BRD1: variants seen among roughly 807,000 people sequenced by gnomAD.
BRD1 encodes bromodomain containing 1.
A neutral mutation model predicts 107.7 loss-of-function variants in BRD1; 24 were observed. That is an observed-to-expected ratio of 0.22 (90% CI 0.16 to 0.31). BRD1 has a LOEUF of 0.31. Among genes scored for constraint, BRD1 ranks in the 10% least tolerant of loss-of-function variants. BRD1 has a pLI of 1.00. For missense variants in BRD1, 1,279 were observed against 1,638.6 expected (o/e 0.78, Z 3.79); for synonymous variants, 744 against 686.1 (o/e 1.08, Z -1.32).
Position 49,824,552 on chromosome 22 carries a change from C to G in BRD1, c.-14-221G>C. On this transcript the variant is annotated intron_variant, in intron 1 of 12. Transcript: ENST00000404760. This position sits in a 1 kb window ranked among gnomAD's most constrained non-coding sequence, Gnocchi z 5.9. ...CAGCAGTAACAGGCAGAGAGGCAGC[C>G]TGAGGAGCCCTCCTGAGCACCTGCG... The G allele has an allele frequency of 7.3e-7, 1 of 1,377,024 alleles. No individual in the cohort carries two copies. The highest frequency in any genetic ancestry group is 2.9e-5 in the East Asian group (1 of 34,974). 85.3% of individuals were successfully genotyped at this position (1,377,024 alleles called of 1,614,324 possible). A position where few individuals can be genotyped will look rare whatever the true frequency, so the allele number is the denominator to read the frequency against.
chr22:49,794,611 C>T (rs2147111595), intron 6 of BRD1, among the ~76,000 whole-genome samples: 1 of 152,350 alleles, frequency 6.6e-6, no homozygotes, highest in Admixed American at 6.5e-5. Flanking sequence ...GTGCAGACAG[C>T]CTGGCTGCCT....
chr22:49,791,335 A>G (rs1018262638), intron 7 of BRD1, among the ~76,000 whole-genome samples: 7 of 152,240 alleles, frequency 4.6e-5, no homozygotes, highest in African/African-American at 1.7e-4. Context: ...CTTCCTTCAG[A>G]CACTAAAGTC....
rs2060099685 is a variant in BRD1, at chr22:49,823,038, C to T, written c.1280G>A (p.Arg427Lys). The T allele has an allele frequency of 1.2e-6, 2 of 1,614,106 alleles. No homozygotes were observed. Among genetic ancestry groups the T allele is most frequent in the South Asian group, 2.2e-5 (2 of 91,088 alleles). The change falls in exon 2 of 13, where the codon AGG becomes AAG. Residue 427 changes from arginine (R) to lysine (K), a missense_variant. Physicochemically the swap from Arg to Lys is conservative, Grantham distance 26. This residue lies in a region of BRD1 where 87 missense variants were observed against 77.1 expected (regional missense o/e 1.13). Transcript: ENST00000404760. ...TTTCTTAGCCTTTTTTGCCTTCTTC[C>T]TGACCTTGGATGTGGACCTGACCGT... is the stretch of plus-strand genomic sequence containing the variant. Reference protein sequence around the residue: ...VKTVRSTSKVRKKAKKAKKAL... With the variant: ...VKTVRSTSKVKKKAKKAKKAL...
chr22:49,793,612 T>C (rs753821233), intron 7 of BRD1, among the ~76,000 whole-genome samples: 1 of 152,176 alleles, frequency 6.6e-6, no homozygotes, highest in Non-Finnish European at 1.5e-5. Context: ...AATGCTGCAT[T>C]TGATGGCCTA....
intron 2 of BRD1, among the ~76,000 whole-genome samples, chr22:49,808,251 G>A (rs1001134273): frequency 7.9e-5 from 12 of 152,316 alleles, no homozygotes; most frequent in Non-Finnish European, 1.6e-4. Flanking sequence ...CATTATTCAC[G>A]ATGGCTAAAA....
intron 9 of BRD1, 40 bp from the exon 10 acceptor site, chr22:49,777,201 C>T (rs749152687): frequency 6.2e-7 from 1 of 1,605,020 alleles, no homozygotes; most frequent in Non-Finnish European, 8.5e-7. Flanking sequence ...CGCCCCGCCC[C>T]TGCCTTCAGC....
In BRD1 at chr22:49,787,789, G is replaced by A. The variant is rs781115671; in HGVS notation, c.2458C>T (p.Leu820Phe). Residue 820 changes from leucine to phenylalanine, a missense_variant, in exon 8 of 13, where the codon CTC becomes TTC. Around this residue, in one of 7 missense-constraint regions of BRD1, gnomAD observed 406 missense variants for 519.4 expected, o/e 0.78. Transcript: ENST00000404760. ...AAAAGTTTACTCTGCTCTGGGTTGA[G>A]TTCTACTGGTTTGAGGGTTGGTGGT... ...SEPPTLKPVE[L>F]NPEQSKLFKR... 35 of 1,550,928 alleles carry A rather than the reference G, an allele frequency of 2.3e-5. No homozygotes were observed. In the South Asian group the frequency reaches 3.9e-4, roughly 17 times the overall value.
At chr22:49,799,653 C>T (rs2048303252) in intron 3 of BRD1, among the ~76,000 whole-genome samples, 2 of 152,368 alleles carry the variant, frequency 1.3e-5, no homozygotes, top group South Asian at 4.1e-4. Context: ...CATCCCGACA[C>T]ACGTTTCCCC....
Position 49,824,171 on chromosome 22 carries a change from G to T in BRD1, c.147C>A (p.His49Gln). 1 of 1,613,940 alleles carries T rather than the reference G, an allele frequency of 6.2e-7. No homozygotes were observed. Among genetic ancestry groups the T allele is most frequent in the Non-Finnish European group, 8.5e-7 (1 of 1,180,030 alleles). Reference sequence around the variant, plus strand: ...CCAGGGGATCAAAAATACTGATCCTGTGCAAGCGCCCTTCAATTTCTATCT... The same window carrying T: ...CCAGGGGATCAAAAATACTGATCCTTTGCAAGCGCCCTTCAATTTCTATCT... The part of the protein sequence containing the change: ...MVEIEIEGRL[H>Q]RISIFDPLEI... Residue 49 changes from histidine to glutamine, a missense_variant, in exon 2 of 13, where the codon CAC (histidine) becomes CAA (glutamine). By Grantham distance (24) the His-to-Gln change is conservative. Coordinates refer to ENST00000404760, the MANE Select transcript of BRD1 (RefSeq NM_001304808.3). The surrounding 1 kb of genome is among the most constrained non-coding windows in gnomAD (Gnocchi z 5.9).
chr22:49,796,097 T>C (rs1406589619), intron 6 of BRD1, among the ~76,000 whole-genome samples: 1 of 65,098 alleles, frequency 1.5e-5, no homozygotes, highest in East Asian at 2.6e-4. Context: ...TTGTGTTTTC[T>C]TTTTTTTTTT....
At chr22:49,776,545 C>G (rs767020358) in intron 10 of BRD1, among the ~76,000 whole-genome samples, 1 of 152,242 alleles carries the variant, frequency 6.6e-6, no homozygotes, top group African/African-American at 2.4e-5. Context: ...GCTCCCCCTC[C>G]GCCAGACCAG....
chr22:49,826,920 G>C (rs984965721), intron 1 of BRD1, among the ~76,000 whole-genome samples: 1 of 152,192 alleles, frequency 6.6e-6, no homozygotes, highest in Non-Finnish European at 1.5e-5. Flanking sequence ...CGTTTTAAAA[G>C]GCCCGGGGAA....
In BRD1 at chr22:49,776,907, T is replaced by C. The variant is rs2059111101; in HGVS notation, c.3121+127A>G. 3.6e-6 allele frequency: 5 copies of C among 1,370,582 alleles called. No homozygotes were observed. In the African/African-American group the frequency reaches 4.3e-5, roughly 12 times the overall value. The allele number at this position is 1,370,582 out of a possible 1,614,324, so 84.9% of individuals were successfully genotyped here. On this transcript the variant is annotated intron_variant, in intron 10 of 12. Transcript: ENST00000404760. ...GTGTGATGAACCCTTCCCCGGGAGG[T>C]TGGCCAGGGTGGGGCTCCACACAGG... is the stretch of plus-strand genomic sequence containing the variant.
rs2059248320 is a variant in BRD1 at position 49,783,219 on chromosome 22, G to GA, written c.2857+4170dup. Among the ~76,000 whole-genome samples the GA allele has an allele frequency of 6.6e-6, 1 of 152,276 alleles. No individual in the cohort carries two copies. The highest frequency in any genetic ancestry group is 1.5e-5 in the Non-Finnish European group (1 of 68,052). On this transcript the variant is annotated intron_variant, in intron 8 of 12. Coordinates refer to ENST00000404760, the MANE Select transcript of BRD1 (RefSeq NM_001304808.3). This position sits in a 1 kb window ranked among gnomAD's most constrained non-coding sequence, Gnocchi z 4.2. The stretch of plus-strand genomic sequence containing the variant: ...ACGCCTGCACAAGATCCCACGCACA[G>GA]ATGCCCCACCCCACGAGCAGGACTT...
intron 7 of BRD1, among the ~76,000 whole-genome samples, chr22:49,788,805 T>C (rs1170329872): frequency 6.6e-6 from 1 of 152,240 alleles, no homozygotes. Context: ...ACCAAGGATT[T>C]TGTGATTATT....
chr22:49,797,633 A>C (rs1199548234), intron 6 of BRD1, among the ~76,000 whole-genome samples, 172 bp downstream of exon 6: 1 of 152,108 alleles, frequency 6.6e-6, no homozygotes, highest in Non-Finnish European at 1.5e-5. Context: ...AGTAAATTCC[A>C]CCTGCTTCTT....
chr22:49,821,821 G>C (rs2060072272), intron 2 of BRD1, among the ~76,000 whole-genome samples: 1 of 152,180 alleles, frequency 6.6e-6, no homozygotes, highest in Non-Finnish European at 1.5e-5. Flanking sequence ...GGTCTGTGTG[G>C]TACTGGGGCT....
At chr22:49,781,179 A>G (rs1286983873) in intron 8 of BRD1, among the ~76,000 whole-genome samples, 1 of 152,122 alleles carries the variant, frequency 6.6e-6, no homozygotes, top group African/African-American at 2.4e-5. Flanking sequence ...AGGAGGCCAA[A>G]GACTGAACAC....
intron 2 of BRD1, 62 bp from the exon 3 acceptor site, chr22:49,804,422 C>G: frequency 6.6e-7 from 1 of 1,516,820 alleles, no homozygotes; most frequent in African/African-American, 1.4e-5. Context: ...ATCACATAAA[C>G]TAGAAATGAC....
Sources: gnomAD v4.1 joint callset for allele counts (sites outside exome capture counted in the v4.1 genomes callset) on GRCh38, gnomAD v4.1.1 for gene constraint, gnomAD v4.1.1 regional missense constraint, Gnocchi (gnomAD v3.1) non-coding constraint, MANE v1.5 for transcripts, NCBI Gene and HGNC (gene_info 2026-07-23, HGNC 2026-07-21) for gene names.